ANO3: variants seen among roughly 807,000 people sequenced by gnomAD.
The protein encoded by ANO3 is anoctamin-3.
Under a neutral mutation model 144.8 loss-of-function variants are expected in ANO3, and 99 were observed. That is an observed-to-expected ratio of 0.68 (90% confidence interval 0.58 to 0.81). ANO3 has a LOEUF of 0.81. ANO3 is among the 30% of genes least tolerant of loss of function. ANO3 has a pLI of 0.00. For synonymous variants in ANO3, 414 were observed against 392.6 expected (o/e 1.05, Z -0.64); for missense variants, 905 against 1,202.2 (o/e 0.75, Z 3.66).
chr11:26,642,436 C>G (rs1565161293), intron 22 of ANO3, among the ~76,000 whole-genome samples: 2 of 149,324 alleles, frequency 1.3e-5, no homozygotes, highest in Non-Finnish European at 3.0e-5. Flanking sequence ...ACTGCAACCT[C>G]CACCTCCTGG....
intron 1 of ANO3, among the ~76,000 whole-genome samples, chr11:26,275,242 C>G (rs1183256832): frequency 6.6e-6 from 1 of 151,936 alleles, no homozygotes; most frequent in Non-Finnish European, 1.5e-5. Context: ...AAATGAAATA[C>G]AATTTACTGA....
chr11:26,379,782 C>A (rs1473282304), intron 1 of ANO3, among the ~76,000 whole-genome samples: 1 of 151,818 alleles, frequency 6.6e-6, no homozygotes, highest in Non-Finnish European at 1.5e-5. Context: ...GACAGTAAAA[C>A]CCCGTTTCAA....
chr11:26,293,830 A>G (rs1272754801), intron 1 of ANO3, among the ~76,000 whole-genome samples: 4 of 152,014 alleles, frequency 2.6e-5, no homozygotes, highest in Admixed American at 2.6e-4. Flanking sequence ...ATTCTCCGTA[A>G]TAAGTTTATC....
chr11:26,297,683 T>C (rs1461227819), intron 1 of ANO3, among the ~76,000 whole-genome samples: 1 of 152,220 alleles, frequency 6.6e-6, no homozygotes, highest in Non-Finnish European at 1.5e-5. Flanking sequence ...TTTCAATCAT[T>C]CATTCAGAGG....
chr11:26,614,834 A>C (rs1240036198), intron 17 of ANO3, among the ~76,000 whole-genome samples: 1 of 152,160 alleles, frequency 6.6e-6, no homozygotes, highest in African/African-American at 2.4e-5. Flanking sequence ...TCTGTACTCC[A>C]CATAAATTTT....
intron 1 of ANO3, among the ~76,000 whole-genome samples, chr11:26,368,091 T>C (rs977972298): frequency 6.6e-6 from 1 of 152,232 alleles, no homozygotes; most frequent in Non-Finnish European, 1.5e-5. Flanking sequence ...ACCTGAAAGG[T>C]AATGCTGTGT....
intron 13 of ANO3, among the ~76,000 whole-genome samples, chr11:26,555,423 T>C (rs1394992484): frequency 1.3e-5 from 2 of 152,292 alleles, no homozygotes; most frequent in Middle Eastern, 3.4e-3. Flanking sequence ...TATCCACATA[T>C]GGCAGAGTGA....
intron 1 of ANO3, among the ~76,000 whole-genome samples, chr11:26,275,394 A>C (rs1461393): frequency 0.02 from 2,971 of 152,298 alleles, 61 homozygotes; most frequent in East Asian, 0.12. Context: ...AATCTAAAAA[A>C]ATCTACAATA....
chr11:26,217,146 C>G (rs903309659), intron 1 of ANO3, among the ~76,000 whole-genome samples: 2 of 151,946 alleles, frequency 1.3e-5, no homozygotes, highest in African/African-American at 4.8e-5. Context: ...ACCACGTGAT[C>G]ATATGGATTT....
At chr11:26,637,551 G>A (rs116832214) in intron 20 of ANO3, among the ~76,000 whole-genome samples, 1,778 of 152,232 alleles carry the variant, frequency 0.012, 40 homozygotes, top group African/African-American at 0.041. Context: ...ATTTGCCCCC[G>A]TAGCTTAATA....
At chr11:26,305,050 C>A (rs925143672), upstream of ANO3, among the ~76,000 whole-genome samples, 1 of 151,112 alleles carries the variant, frequency 6.6e-6, no homozygotes, top group Non-Finnish European at 1.5e-5. Context: ...TCGATCTTCT[C>A]ATTTTACAGA....
At chr11:26,540,832 C>T (rs448297) in intron 10 of ANO3, among the ~76,000 whole-genome samples, 108,178 of 152,010 alleles carry the variant, frequency 0.71, 38,794 homozygotes, top group East Asian at 0.84. Flanking sequence ...ATAGGAAGGC[C>T]TTTACATTGT....
At chr11:26,654,145 T>C (rs971838550) in intron 24 of ANO3, among the ~76,000 whole-genome samples, 6 of 152,198 alleles carry the variant, frequency 3.9e-5, no homozygotes, top group African/African-American at 1.4e-4. Context: ...CTAATATAGA[T>C]TCTTTACATT....
intron 14 of ANO3, among the ~76,000 whole-genome samples, chr11:26,577,801 T>C (rs747387957): frequency 6.6e-4 from 100 of 151,784 alleles, no homozygotes; most frequent in Non-Finnish European, 1.2e-3. Context: ...AGCTAGAGAG[T>C]TGAGGGCATT....
rs1201115355 is a variant in ANO3, at chr11:26,547,656, A to G, written c.1289+106A>G. ...AAAATCAAATGGTTGATGATACTAC[A>G]ATTTAATTTATTTGCTATTTCTGTT... is the stretch of plus-strand genomic sequence containing the variant. On this transcript the variant is annotated intron_variant, in intron 12 of 26. Transcript: ENST00000256737. 5 of 1,071,038 alleles carry G rather than the reference A, an allele frequency of 4.7e-6. No homozygotes were observed. The East Asian group carries it at 7.4e-5, about 16-fold the overall frequency. 66.3% of individuals were successfully genotyped at this position (1,071,038 alleles called of 1,614,324 possible).
intron 1 of ANO3, among the ~76,000 whole-genome samples, chr11:26,433,326 T>C (rs1858184874): frequency 6.6e-6 from 1 of 152,220 alleles, no homozygotes; most frequent in Admixed American, 6.5e-5. Context: ...TATACAATCA[T>C]GTCATCAGCA....
chr11:26,302,514 A>G (rs1239319030), intron 1 of ANO3, among the ~76,000 whole-genome samples: 1 of 152,174 alleles, frequency 6.6e-6, no homozygotes, highest in Admixed American at 6.5e-5. Flanking sequence ...TGATAATAAA[A>G]AGGAAAAATG....
chr11:26,361,930 GCA>G (rs1387869378), intron 1 of ANO3, among the ~76,000 whole-genome samples: 2 of 152,224 alleles, frequency 1.3e-5, no homozygotes, highest in East Asian at 1.9e-4. Context: ...CATAATGACT[GCA>G]CAGTTTCCAG....
intron 1 of ANO3, among the ~76,000 whole-genome samples, chr11:26,236,386 A>T (rs1475308949): frequency 6.6e-6 from 1 of 152,002 alleles, no homozygotes; most frequent in Non-Finnish European, 1.5e-5. Flanking sequence ...CTATACTTCA[A>T]GCAATCTCTT....
Sources: allele counts gnomAD v4.1 joint callset (sites outside exome capture counted in the v4.1 genomes callset), GRCh38; gene constraint gnomAD v4.1.1; transcripts MANE v1.5; gene names NCBI Gene and HGNC (gene_info 2026-07-23, HGNC 2026-07-21).